The following THSD4 variants were observed in gnomAD, a reference collection of about 807,000 sequenced individuals.
The protein encoded by THSD4 is thrombospondin type-1 domain-containing protein 4.
THSD4 carries 69 observed loss-of-function variants against 119.0 expected under a neutral mutation model. The ratio of observed to expected loss-of-function variants is 0.58; its 90% confidence interval spans 0.48 to 0.71. The LOEUF (loss-of-function observed/expected upper bound fraction) is 0.71, where lower values mean the gene tolerates loss of function less well. Among genes scored for constraint, THSD4 ranks in the 30% least tolerant of loss-of-function variants. The pLI is 0.00. For missense variants in THSD4, 1,393 were observed against 1,391.1 expected, an observed-to-expected ratio of 1.00 and a Z score of -0.02; for synonymous variants, 524 against 540.4, an observed-to-expected ratio of 0.97 and a Z score of 0.42.
At chr15:71,330,783 C>G (rs894160505) in intron 6 of THSD4, among the ~76,000 whole-genome samples, 1 of 152,176 alleles carries the variant, frequency 6.6e-6, no homozygotes, top group Non-Finnish European at 1.5e-5. Context: ...TTCTCACTTT[C>G]TCTCTCTGCC....
intron 7 of THSD4, among the ~76,000 whole-genome samples, chr15:71,611,279 C>T (rs966131706): frequency 6.6e-6 from 1 of 152,178 alleles, no homozygotes; most frequent in South Asian, 2.1e-4. Context: ...CTATGCTGGT[C>T]TTCTCTTTTC....
intron 3 of THSD4, among the ~76,000 whole-genome samples, chr15:71,160,498 G>A (rs1380775788): frequency 6.6e-6 from 1 of 151,854 alleles, no homozygotes; most frequent in Admixed American, 6.6e-5. Flanking sequence ...TTCCTTATAT[G>A]CTATTGATCT....
chr15:71,137,561 A>G (rs1470472117), intron 1 of THSD4, among the ~76,000 whole-genome samples: 1 of 152,176 alleles, frequency 6.6e-6, no homozygotes, highest in Non-Finnish European at 1.5e-5. Context: ...TTATTAAAAA[A>G]TGCTGTTCGT....
chr15:71,743,464 A>G (rs898397350), intron 11 of THSD4, among the ~76,000 whole-genome samples: 6 of 152,166 alleles, frequency 3.9e-5, no homozygotes, highest in African/African-American at 1.2e-4. Flanking sequence ...CCATGTATTC[A>G]CCTTTATAAC....
chr15:71,191,319 T>A (rs1206623768), intron 3 of THSD4, among the ~76,000 whole-genome samples: 1 of 152,206 alleles, frequency 6.6e-6, no homozygotes, highest in Admixed American at 6.5e-5. Flanking sequence ...GCCCTGTCTC[T>A]GGACTCCCCT....
intron 6 of THSD4, among the ~76,000 whole-genome samples, chr15:71,276,747 T>G (rs1404136046): frequency 6.6e-6 from 1 of 152,228 alleles, no homozygotes; most frequent in Non-Finnish European, 1.5e-5. Context: ...CATTCTTTAA[T>G]GGCAGGGAAT....
chr15:71,550,144 C>T (rs184970433), intron 7 of THSD4, among the ~76,000 whole-genome samples: 3 of 152,270 alleles, frequency 2.0e-5, no homozygotes, highest in Non-Finnish European at 4.4e-5. Context: ...GGCGTATCCC[C>T]GAAAAGACTG....
chr15:71,206,700 C>A (rs1013997862), intron 3 of THSD4, among the ~76,000 whole-genome samples: 1 of 152,168 alleles, frequency 6.6e-6, no homozygotes, highest in Non-Finnish European at 1.5e-5. Flanking sequence ...GAGAGCTGTT[C>A]TGGTTATGAA....
intron 8 of THSD4, among the ~76,000 whole-genome samples, chr15:71,700,469 C>A (rs1340018786): frequency 6.6e-6 from 1 of 152,076 alleles, no homozygotes; most frequent in Non-Finnish European, 1.5e-5. Flanking sequence ...CAGTCGAAGA[C>A]AACTCCTTAC....
At chr15:71,542,529 G>C (rs111500391) in intron 7 of THSD4, among the ~76,000 whole-genome samples, 4 of 152,188 alleles carry the variant, frequency 2.6e-5, no homozygotes, top group Admixed American at 2.6e-4. Context: ...TGCTTCTATA[G>C]TATTCTTCGT....
chr15:71,773,209 AAAAAAAG>A lies in THSD4; in HGVS notation c.2914+2007_2914+2013del, dbSNP rs1161468663. On this transcript the variant is annotated intron_variant, in intron 17 of 17. Coordinates refer to ENST00000261862, the MANE Select transcript of THSD4 (RefSeq NM_024817.3). Reference sequence around the variant, plus strand: ...GAGTGAGACCATGTCTCAAAAAAAAAAAAAAAGAAAAAGAAAAAAGAAAAGAAAAAAA... The same window carrying A: ...GAGTGAGACCATGTCTCAAAAAAAAAAAAAAGAAAAAAGAAAAGAAAAAAA... Among the ~76,000 whole-genome samples the A allele has an allele frequency of 4.4e-4, 63 of 144,254 alleles. 1 individual carries two copies. Among genetic ancestry groups the A allele is most frequent in the African/African-American group, 1.6e-3 (62 of 38,842 alleles). 94.6% of individuals were successfully genotyped at this position (144,254 alleles called of 152,430 possible).
At chr15:71,490,846 C>T (rs546346007) in intron 7 of THSD4, among the ~76,000 whole-genome samples, 6 of 152,252 alleles carry the variant, frequency 3.9e-5, no homozygotes, top group South Asian at 2.1e-4. Context: ...AGAATATAAC[C>T]GTGCCCATTT....
At chr15:71,216,428 C>T (rs933278873) in intron 4 of THSD4, among the ~76,000 whole-genome samples, 1 of 152,234 alleles carries the variant, frequency 6.6e-6, no homozygotes, top group Non-Finnish European at 1.5e-5. Flanking sequence ...GTGATGGAAG[C>T]TGTCACTGCC....
At chr15:71,133,890 C>T (rs1397115289) in intron 1 of THSD4, among the ~76,000 whole-genome samples, 1 of 152,166 alleles carries the variant, frequency 6.6e-6, no homozygotes, top group Admixed American at 6.5e-5. Flanking sequence ...CATTGAAATC[C>T]TTAACTAATC....
intron 6 of THSD4, among the ~76,000 whole-genome samples, chr15:71,301,443 A>C (rs1326510837): frequency 6.6e-6 from 1 of 152,168 alleles, no homozygotes; most frequent in Non-Finnish European, 1.5e-5. Context: ...ATTGCTATTT[A>C]AAACAATGTG....
chr15:71,576,846 A>G (rs2049456514), intron 7 of THSD4, among the ~76,000 whole-genome samples: 1 of 152,104 alleles, frequency 6.6e-6, no homozygotes, highest in Non-Finnish European at 1.5e-5. Context: ...CAGGTGTTGT[A>G]CTCAGCCAGA....
intron 7 of THSD4, among the ~76,000 whole-genome samples, chr15:71,559,082 G>T (rs1327193276): frequency 6.6e-6 from 1 of 152,116 alleles, no homozygotes; most frequent in Non-Finnish European, 1.5e-5. Context: ...ATTAAATCAA[G>T]GTTGTAGATT....
chr15:71,577,938 G>C (rs1254253652), intron 7 of THSD4, among the ~76,000 whole-genome samples: 1 of 150,692 alleles, frequency 6.6e-6, no homozygotes, highest in African/African-American at 2.4e-5. Flanking sequence ...GGCCAGGCTG[G>C]GCTCAAACTC....
intron 6 of THSD4, among the ~76,000 whole-genome samples, chr15:71,302,853 G>A (rs986789257): frequency 2.0e-5 from 3 of 152,006 alleles, no homozygotes; most frequent in Non-Finnish European, 4.4e-5. Context: ...ACCTGCCGCC[G>A]CCTCATTTAG....
Sources: allele counts gnomAD v4.1 joint callset (sites outside exome capture counted in the v4.1 genomes callset), GRCh38; gene constraint gnomAD v4.1.1; transcripts MANE v1.5; gene names NCBI Gene and HGNC (gene_info 2026-07-23, HGNC 2026-07-21).